The following SLC28A3 variants were observed in gnomAD, a reference collection of about 807,000 sequenced individuals.
The protein encoded by SLC28A3 is concentrative Na(+)-nucleoside cotransporter 3.
A neutral mutation model predicts 84.2 loss-of-function variants in SLC28A3; 68 were observed. That is an observed-to-expected ratio of 0.81 (90% CI 0.66 to 0.99). The LOEUF (loss-of-function observed/expected upper bound fraction) is 0.99. Ranked by LOEUF, SLC28A3 falls within the 50% of genes least tolerant of loss-of-function variation. SLC28A3 has a pLI of 0.00. For synonymous variants in SLC28A3, 267 were observed against 303.6 expected, an observed-to-expected ratio of 0.88 and a Z score of 1.25; for missense variants, 712 against 841.5, an observed-to-expected ratio of 0.85 and a Z score of 1.90.
At chr9:84,344,231 C>T (rs1355521436), upstream of SLC28A3, among the ~76,000 whole-genome samples, 2 of 145,464 alleles carry the variant, frequency 1.4e-5, no homozygotes, top group African/African-American at 5.2e-5. Flanking sequence ...GCTCTGTTGC[C>T]CAGGCTGGAG....
chr9:84,317,746 C>A (rs1368650764), intron 1 of SLC28A3, among the ~76,000 whole-genome samples: 1 of 152,210 alleles, frequency 6.6e-6, no homozygotes, highest in Non-Finnish European at 1.5e-5. Flanking sequence ...ACCTACCTAA[C>A]AAAGTTGGGT....
chr9:84,354,196 T>C, the SLC28A3 span, among the ~76,000 whole-genome samples: 1 of 152,246 alleles, frequency 6.6e-6, no homozygotes, highest in Admixed American at 6.5e-5. Flanking sequence ...GCTCAGATCT[T>C]AGCTCCTCAG....
rs1827118751 is a variant in SLC28A3, at chr9:84,340,372, A to G, written c.60+202T>C. ...TTGTTTCTAAGTGACCATAGGGATC[A>G]CAACACATCGATTAAAAGAGACTTT... On this transcript the variant is annotated intron_variant, in intron 1 of 17. Transcript: ENST00000376238. 1.3e-5 allele frequency among the ~76,000 whole-genome samples: 2 copies of G among 152,244 alleles called. 1 individual carries two copies. The highest frequency in any genetic ancestry group is 4.8e-5 in the African/African-American group (2 of 41,472).
intron 8 of SLC28A3, among the ~76,000 whole-genome samples, chr9:84,295,903 T>C (rs1825396896): frequency 6.6e-6 from 1 of 152,226 alleles, no homozygotes; most frequent in Non-Finnish European, 1.5e-5. Context: ...AGACATTTTG[T>C]GCCAGTATTC....
chr9:84,287,170 A>G (rs1825024051), intron 12 of SLC28A3, among the ~76,000 whole-genome samples: 1 of 151,982 alleles, frequency 6.6e-6, no homozygotes, highest in Non-Finnish European at 1.5e-5. Flanking sequence ...ACAAACAAAC[A>G]AACAAACAAA....
At chr9:84,345,174 T>G (rs940513989), upstream of SLC28A3, among the ~76,000 whole-genome samples, 1 of 152,024 alleles carries the variant, frequency 6.6e-6, no homozygotes, top group African/African-American at 2.4e-5. Context: ...ACTTGGGGAT[T>G]TTCATTAGTT....
chr9:84,288,227 G>A (rs1190198789), intron 11 of SLC28A3, 49 bp from the exon 12 acceptor site: 1 of 1,610,928 alleles, frequency 6.2e-7, no homozygotes, highest in Admixed American at 1.7e-5. Flanking sequence ...CTTTTTTCTT[G>A]TGTTCAGAGG....
the SLC28A3 span, among the ~76,000 whole-genome samples, chr9:84,347,800 C>T: frequency 0.055 from 8,438 of 152,254 alleles, 478 homozygotes; most frequent in East Asian, 0.17. Flanking sequence ...TCTGCTCTTT[C>T]CTGGTGCTTA....
At chr9:84,318,686 T>G (rs1030569446) in intron 1 of SLC28A3, among the ~76,000 whole-genome samples, 2 of 151,932 alleles carry the variant, frequency 1.3e-5, no homozygotes, top group African/African-American at 4.8e-5. Flanking sequence ...CTGACCAATA[T>G]GATGAAACCC....
chr9:84,355,980 A>G, the SLC28A3 span, among the ~76,000 whole-genome samples: 1 of 151,888 alleles, frequency 6.6e-6, no homozygotes, highest in Non-Finnish European at 1.5e-5. Flanking sequence ...ACACCCAGCT[A>G]ATTTTTTTTA....
intron 3 of SLC28A3, among the ~76,000 whole-genome samples, chr9:84,307,436 A>AAAAAAAAAC (rs1330300236): frequency 2.0e-5 from 3 of 148,236 alleles, no homozygotes; most frequent in South Asian, 2.2e-4. Context: ...ATCTCAAAAA[A>AAAAAAAAAC]AAAAAAAAAC....
intron 6 of SLC28A3, 108 bp from the exon 7 acceptor site, chr9:84,298,127 T>C: frequency 1.2e-6 from 1 of 867,220 alleles, no homozygotes; most frequent in South Asian, 1.5e-5. Flanking sequence ...AGATGTGGCC[T>C]GTCACCCACC....
intron 2 of SLC28A3, 62 bp from the exon 3 acceptor site, chr9:84,309,776 G>C (rs954367423): frequency 4.2e-6 from 6 of 1,418,752 alleles, no homozygotes; most frequent in African/African-American, 1.4e-5. Context: ...ATGGACCCTG[G>C]TTTCATTGCT....
At chr9:84,309,762 C>G (rs774298751) in intron 2 of SLC28A3, 48 bp from the exon 3 acceptor site, 4 of 1,512,110 alleles carry the variant, frequency 2.6e-6, no homozygotes, top group South Asian at 1.1e-5. Context: ...GCATCCTGGG[C>G]ATAATGGACC....
intron 1 of SLC28A3, among the ~76,000 whole-genome samples, chr9:84,335,720 T>C (rs1388639457): frequency 4.8e-5 from 7 of 145,936 alleles, no homozygotes; most frequent in Admixed American, 2.7e-4. Context: ...TACGTGTGTG[T>C]GTGTGTGTGT....
chr9:84,313,715 T>C (rs1038956160), intron 1 of SLC28A3, among the ~76,000 whole-genome samples: 18 of 151,680 alleles, frequency 1.2e-4, no homozygotes, highest in Non-Finnish European at 2.7e-4. Flanking sequence ...GGCAAAATCC[T>C]GTGTCTACTA....
intron 2 of SLC28A3, among the ~76,000 whole-genome samples, chr9:84,312,061 T>C (rs1169652944): frequency 1.3e-5 from 2 of 152,214 alleles, no homozygotes; most frequent in African/African-American, 2.4e-5. Context: ...TGATAGTTCA[T>C]TTCTTTTTAG....
At chr9:84,340,772 A>G, upstream of SLC28A3, 2 of 839,518 alleles carry the variant, frequency 2.4e-6, no homozygotes, top group Non-Finnish European at 3.8e-6. Flanking sequence ...AACTTCTGCA[A>G]TAATCTCCTG....
intron 1 of SLC28A3, among the ~76,000 whole-genome samples, chr9:84,314,657 T>TAA (rs1826106020): frequency 6.6e-6 from 1 of 152,252 alleles, no homozygotes; most frequent in African/African-American, 2.4e-5. Context: ...TCCTTTTTTG[T>TAA]TACAGTTGCT....
Sources: gnomAD v4.1 joint callset for allele counts (sites outside exome capture counted in the v4.1 genomes callset) on GRCh38, gnomAD v4.1.1 for gene constraint, MANE v1.5 for transcripts, NCBI Gene and HGNC (gene_info 2026-07-23, HGNC 2026-07-21) for gene names.